RXRA: variants seen among roughly 807,000 people sequenced by gnomAD.
The protein encoded by RXRA is retinoic acid receptor RXR-alpha.
Under a neutral mutation model 44.5 loss-of-function variants are expected in RXRA, and 5 were observed. That is an observed-to-expected ratio of 0.11 (90% CI 0.06 to 0.24). RXRA has a LOEUF of 0.24. Ranked by LOEUF, RXRA falls within the 10% of genes least tolerant of loss-of-function variation. The pLI, the probability that RXRA is intolerant of heterozygous loss-of-function variation, is 1.00. For missense variants in RXRA, 412 were observed against 646.5 expected, an observed-to-expected ratio of 0.64 and a Z score of 3.93; for synonymous variants, 291 against 271.4, an observed-to-expected ratio of 1.07 and a Z score of -0.71.
chr9:134,347,576 G>A lies in RXRA; in HGVS notation c.28+20917G>A, dbSNP rs868942182. On this transcript the variant is annotated intron_variant, in intron 1 of 9. Coordinates refer to ENST00000481739, the MANE Select transcript of RXRA (RefSeq NM_002957.6). ...ACAAGGCTGGGGGAGGACGGCCAGG[G>A]GCCTGCGTTGATGGGCAGGTTCCAG... 2.6e-5 allele frequency among the ~76,000 whole-genome samples: 4 copies of A among 152,216 alleles called. No individual in the cohort carries two copies. The South Asian group carries it at 8.3e-4, about 32-fold the overall frequency.
chr9:134,408,588 C>G (rs1831095379), intron 3 of RXRA, among the ~76,000 whole-genome samples: 1 of 152,240 alleles, frequency 6.6e-6, no homozygotes, highest in South Asian at 2.1e-4. Context: ...GCAGCCAGTG[C>G]TGCGCCTCCT....
At chr9:134,408,419 G>C (rs1831092443) in intron 3 of RXRA, 120 bp downstream of exon 3, 1 of 1,093,948 alleles carries the variant, frequency 9.1e-7, no homozygotes, top group African/African-American at 1.6e-5. Context: ...CAGGGTGCAG[G>C]GAGGCAGGTG....
intron 1 of RXRA, among the ~76,000 whole-genome samples, chr9:134,391,371 C>T (rs1196818339): frequency 6.6e-6 from 1 of 152,176 alleles, no homozygotes; most frequent in Non-Finnish European, 1.5e-5. Context: ...GACAGAGCTG[C>T]TGGCAGCGGT....
intron 6 of RXRA, chr9:134,427,146 T>C: frequency 1.0e-6 from 1 of 983,396 alleles, no homozygotes; most frequent in Non-Finnish European, 1.2e-6. Flanking sequence ...AATGTGATGC[T>C]ACAGATGTTT....
chr9:134,348,514 G>A (rs1382252489), intron 1 of RXRA, among the ~76,000 whole-genome samples: 13 of 66,120 alleles, frequency 2.0e-4, no homozygotes, highest in Non-Finnish European at 1.2e-4. Context: ...TGCTGCAGAT[G>A]GGGAGGCCAG....
rs916215181 is a variant in RXRA at position 134,423,610 on chromosome 9, C to T, written c.910+1805C>T. ...CCAGGATAATCTCCCATCTCAAAGTCCTTGACTTAATCCCGCTGGCCTCGT... is the reference window on the plus strand; with the variant it reads ...CCAGGATAATCTCCCATCTCAAAGTTCTTGACTTAATCCCGCTGGCCTCGT... On this transcript the variant is annotated intron_variant, in intron 6 of 9. Transcript: ENST00000481739. 1.0e-5 allele frequency: 10 copies of T among 985,354 alleles called. No individual in the cohort carries two copies. The Admixed American group carries it at 3.7e-4, about 36-fold the overall frequency. The allele number at this position is 985,354 out of a possible 1,614,324, so 61.0% of individuals were successfully genotyped here. A position where few individuals can be genotyped will look rare whatever the true frequency, so the allele number is the denominator to read the frequency against.
At chr9:134,432,742 G>T (rs546354281) in intron 8 of RXRA, among the ~76,000 whole-genome samples, 1 of 152,362 alleles carries the variant, frequency 6.6e-6, no homozygotes, top group East Asian at 1.9e-4. Context: ...GAGGGCAGGA[G>T]CACGGTTGGT....
chr9:134,412,501 T>C (rs1831165458), intron 4 of RXRA, among the ~76,000 whole-genome samples: 1 of 152,170 alleles, frequency 6.6e-6, no homozygotes, highest in Non-Finnish European at 1.5e-5. Flanking sequence ...CTGGGGCAGA[T>C]GGGTTCCCAC....
rs376261636 is a variant in RXRA, at chr9:134,354,899, T to C, written c.28+28240T>C. Among the ~76,000 whole-genome samples, 34 of 152,296 alleles carry C rather than the reference T, an allele frequency of 2.2e-4. No individual in the cohort carries two copies. The South Asian group carries it at 2.9e-3, about 13-fold the overall frequency. On this transcript the variant is annotated intron_variant, in intron 1 of 9. Coordinates refer to ENST00000481739, the MANE Select transcript of RXRA (RefSeq NM_002957.6). ...AGAGCCAGTGGAGCTGGCTTAGGGATGGAGGGACTGAGAAGCCACTGGGAA... is the reference window on the plus strand; with the variant it reads ...AGAGCCAGTGGAGCTGGCTTAGGGACGGAGGGACTGAGAAGCCACTGGGAA...
chr9:134,404,297 G>C (rs1485824723), intron 2 of RXRA: 1 of 152,612 alleles, frequency 6.6e-6, no homozygotes, highest in Non-Finnish European at 1.5e-5. Flanking sequence ...CCCTCCTGGT[G>C]GGGGAATAGG....
intron 1 of RXRA, among the ~76,000 whole-genome samples, chr9:134,339,491 G>A (rs533598819): frequency 8.6e-5 from 13 of 151,060 alleles, no homozygotes; most frequent in East Asian, 2.0e-4. Context: ...GCATGCCCAC[G>A]CCCTTGTGTG....
At chr9:134,338,158 T>C (rs1463381069) in intron 1 of RXRA, among the ~76,000 whole-genome samples, 1 of 152,158 alleles carries the variant, frequency 6.6e-6, no homozygotes, top group Non-Finnish European at 1.5e-5. Flanking sequence ...TCAGGAGCCC[T>C]GACAGAAGAC....
Position 134,439,339 on chromosome 9 carries a change from C to T in RXRA, c.*2725C>T, listed in dbSNP as rs534064387. On this transcript the variant is annotated 3_prime_UTR_variant, in exon 10 of 10. Coordinates refer to ENST00000481739, the MANE Select transcript of RXRA (RefSeq NM_002957.6). ...GCACGCTCCTCAGCTGGTCACCTCC[C>T]GGCTTTGCCGTTCAGATGGGGCTCC... 7 of 152,196 alleles carry T rather than the reference C, an allele frequency of 4.6e-5. No individual in the cohort carries two copies. Among genetic ancestry groups the T allele is most frequent in the Admixed American group, 2.0e-4 (3 of 15,288 alleles). 9.4% of individuals were successfully genotyped at this position (152,196 alleles called of 1,614,324 possible).
rs893017531 is a variant in RXRA at position 134,365,957 on chromosome 9, C to G, written c.29-35675C>G. On this transcript the variant is annotated intron_variant, in intron 1 of 9. Coordinates refer to ENST00000481739, the MANE Select transcript of RXRA (RefSeq NM_002957.6). The surrounding 1 kb of genome is among the most constrained non-coding windows in gnomAD (Gnocchi z 4.0). ...TTGTGGCTGCCTCCAGTCAGGCGTC[C>G]GCTGAGCGACCCCTAGGAGCCGCCT... Among the ~76,000 whole-genome samples, 2 of 152,106 alleles carry G rather than the reference C, an allele frequency of 1.3e-5. No individual in the cohort carries two copies. The highest frequency in any genetic ancestry group is 3.9e-4 in the East Asian group (2 of 5,170).
chr9:134,398,041 G>A (rs759125628), intron 1 of RXRA, among the ~76,000 whole-genome samples: 11 of 151,920 alleles, frequency 7.2e-5, no homozygotes, highest in South Asian at 6.3e-4. Context: ...GTGCGATGGC[G>A]CGATCTCTGC....
At chr9:134,332,908 G>A (rs1835027737) in intron 1 of RXRA, among the ~76,000 whole-genome samples, 1 of 152,128 alleles carries the variant, frequency 6.6e-6, no homozygotes, top group Non-Finnish European at 1.5e-5. Flanking sequence ...GAAGGGGGGA[G>A]GATTCCTAGC....
chr9:134,409,052 G>A lies in RXRA; in HGVS notation c.543G>A (p.Lys181=), dbSNP rs1445698987. ...CRDNKDCLID[K]RQRNRCQYCR... is the part of the protein sequence containing the mutation. ...ACAACAAGGACTGCCTGATTGACAA[G>A]CGGCAGCGGAACCGGTGCCAGTACT... The change falls in exon 4 of 10, where the codon AAG becomes AAA. Residue 181 remains lysine, a synonymous_variant. Transcript: ENST00000481739. The A allele has an allele frequency of 5.6e-6, 9 of 1,611,800 alleles. No homozygotes were observed. The highest frequency in any genetic ancestry group is 2.2e-5 in the East Asian group (1 of 44,698).
chr9:134,334,767 A>T (rs1236501443), intron 1 of RXRA, among the ~76,000 whole-genome samples: 2 of 152,186 alleles, frequency 1.3e-5, no homozygotes, highest in African/African-American at 4.8e-5. Context: ...TCCCTGGGAA[A>T]TGGCTCTATG....
chr9:134,384,968 G>A (rs1471430647), intron 1 of RXRA, among the ~76,000 whole-genome samples: 1 of 152,174 alleles, frequency 6.6e-6, no homozygotes, highest in African/African-American at 2.4e-5. Flanking sequence ...ACATCTTGGC[G>A]GCCTGTCCCC....
Sources: gnomAD v4.1 joint callset for allele counts (sites outside exome capture counted in the v4.1 genomes callset) on GRCh38, gnomAD v4.1.1 for gene constraint, Gnocchi (gnomAD v3.1) non-coding constraint, MANE v1.5 for transcripts, NCBI Gene and HGNC (gene_info 2026-07-23, HGNC 2026-07-21) for gene names.